The following SORCS1 variants were observed in gnomAD, a reference collection of about 807,000 sequenced individuals.
SORCS1 encodes the protein sortilin related VPS10 domain containing receptor 1.
A neutral mutation model predicts 146.1 loss-of-function variants in SORCS1; 60 were observed. That is an observed-to-expected ratio of 0.41 (90% confidence interval 0.33 to 0.51). The LOEUF is 0.51. Among genes scored for constraint, SORCS1 ranks in the 20% least tolerant of loss-of-function variants. The probability of loss-of-function intolerance (pLI) is 0.21; values close to 1 mark genes in which losing one functional copy is unlikely to be tolerated. For synonymous variants in SORCS1, 637 were observed against 584.0 expected (o/e 1.09, Z -1.31); for missense variants, 1,352 against 1,487.6 (o/e 0.91, Z 1.50).
chr10:106,579,475 C>A lies in SORCS1; in HGVS notation c.3266-1G>T. On this transcript the variant is annotated splice_acceptor_variant, in intron 24 of 25. Coordinates refer to ENST00000263054, the MANE Select transcript of SORCS1 (RefSeq NM_052918.5). LOFTEE classifies it high-confidence loss of function. ...GTTGGAGTGAGGTCCACCAGGGGGG[C>A]TTGTGGGGGAAACAGAGCAGAGAAA... is the stretch of plus-strand genomic sequence containing the variant. The A allele has an allele frequency of 6.2e-7, 1 of 1,613,446 alleles. No individual in the cohort carries two copies.
At chr10:106,802,275 T>G (rs1223052066) in intron 3 of SORCS1, among the ~76,000 whole-genome samples, 1 of 152,164 alleles carries the variant, frequency 6.6e-6, no homozygotes, top group African/African-American at 2.4e-5. Context: ...AGGGAAGATT[T>G]GCATCCACAA....
intron 6 of SORCS1, among the ~76,000 whole-genome samples, 161 bp from the exon 7 acceptor site, chr10:106,709,502 G>A (rs1290471280): frequency 1.4e-5 from 2 of 141,332 alleles, no homozygotes; most frequent in Non-Finnish European, 3.0e-5. Flanking sequence ...AGGCTGGAGT[G>A]CAGTGGTGCG....
intron 1 of SORCS1, among the ~76,000 whole-genome samples, chr10:107,036,239 C>T (rs867920073): frequency 6.6e-6 from 1 of 152,078 alleles, no homozygotes; most frequent in Non-Finnish European, 1.5e-5. Flanking sequence ...AGTATAACAA[C>T]TATTTTCTCA....
At chr10:106,703,174 AT>A (rs927462181) in intron 8 of SORCS1, among the ~76,000 whole-genome samples, 5 of 151,438 alleles carry the variant, frequency 3.3e-5, no homozygotes, top group African/African-American at 1.2e-4. Context: ...TAAGCTCCTT[AT>A]TTAAAAAAAA....
intron 1 of SORCS1, among the ~76,000 whole-genome samples, chr10:107,108,831 T>G (rs1965487568): frequency 6.6e-6 from 1 of 152,202 alleles, no homozygotes; most frequent in Non-Finnish European, 1.5e-5. Flanking sequence ...AATTTGTTAC[T>G]TCCAAGATTC....
intron 1 of SORCS1, among the ~76,000 whole-genome samples, chr10:107,129,693 A>C (rs1036392858): frequency 1.3e-5 from 2 of 152,216 alleles, no homozygotes; most frequent in Non-Finnish European, 2.9e-5. Context: ...AAACCTCTTC[A>C]AAGGAAGATC....
chr10:106,796,165 A>G (rs1589896866), intron 3 of SORCS1, among the ~76,000 whole-genome samples: 1 of 152,348 alleles, frequency 6.6e-6, no homozygotes, highest in African/African-American at 2.4e-5. Flanking sequence ...AGCAAAACAT[A>G]CAAGGACTGC....
At chr10:106,916,989 C>T (rs1041458709) in intron 2 of SORCS1, among the ~76,000 whole-genome samples, 40 of 152,246 alleles carry the variant, frequency 2.6e-4, no homozygotes, top group East Asian at 2.5e-3. Context: ...ATAATCTGCC[C>T]GCCTCAGCCT....
chr10:106,578,626 C>G (rs577253528), intron 25 of SORCS1: 1 of 989,156 alleles, frequency 1.0e-6, no homozygotes, highest in Non-Finnish European at 1.2e-6. Context: ...TGTCACTTCT[C>G]TACTGGTGTT....
At chr10:107,034,235 T>C (rs1176194819) in intron 1 of SORCS1, among the ~76,000 whole-genome samples, 1 of 152,056 alleles carries the variant, frequency 6.6e-6, no homozygotes, top group Non-Finnish European at 1.5e-5. Flanking sequence ...GAGAGGGAGC[T>C]GAAGGCTAGT....
At chr10:106,749,862 T>C (rs1443666655) in intron 5 of SORCS1, among the ~76,000 whole-genome samples, 1 of 152,160 alleles carries the variant, frequency 6.6e-6, no homozygotes, top group African/African-American at 2.4e-5. Context: ...TGAGGACCAT[T>C]TTACTGATGA....
intron 2 of SORCS1, among the ~76,000 whole-genome samples, chr10:106,833,843 G>A (rs1333539851): frequency 6.6e-6 from 1 of 152,046 alleles, no homozygotes; most frequent in Non-Finnish European, 1.5e-5. Context: ...ACCCAGGCTG[G>A]AGTGCAGTGG....
Position 107,038,400 on chromosome 10 carries a change from TG to T in SORCS1, c.559-81821del, listed in dbSNP as rs1190565576. 2.3e-4 allele frequency among the ~76,000 whole-genome samples: 3 copies of T among 12,828 alleles called. No homozygotes were observed. The South Asian group carries it at 0.013, about 55-fold the overall frequency. 8.4% of individuals were successfully genotyped at this position (12,828 alleles called of 152,430 possible). ...AGACAGAGGACTGTCGTGGGGTGGG[TG>T]GGGGGGGAGAGACAGCATTAGGAGA... On this transcript the variant is annotated intron_variant, in intron 1 of 25. Coordinates refer to ENST00000263054, the MANE Select transcript of SORCS1 (RefSeq NM_052918.5).
Position 106,702,699 on chromosome 10 carries a change from T to C in SORCS1, c.1234-3306A>G, listed in dbSNP as rs1314461726. 5.3e-5 allele frequency among the ~76,000 whole-genome samples: 8 copies of C among 152,240 alleles called. No individual in the cohort carries two copies. The East Asian group carries it at 1.2e-3, about 22-fold the overall frequency. ...GGTCTTAAATAGTTTAATTGAAAAG[T>C]TTAAAATATTTATATATTATCCTTC... is the stretch of plus-strand genomic sequence containing the variant. On this transcript the variant is annotated intron_variant, in intron 8 of 25. Coordinates refer to ENST00000263054, the MANE Select transcript of SORCS1 (RefSeq NM_052918.5).
intron 2 of SORCS1, among the ~76,000 whole-genome samples, chr10:106,930,107 C>T (rs934158206): frequency 6.6e-6 from 1 of 151,930 alleles, no homozygotes; most frequent in African/African-American, 2.4e-5. Flanking sequence ...AAATACCAAC[C>T]GTCTCTACTA....
intron 18 of SORCS1, among the ~76,000 whole-genome samples, chr10:106,651,671 G>C (rs1218033614): frequency 6.6e-6 from 1 of 152,164 alleles, no homozygotes; most frequent in East Asian, 1.9e-4. Context: ...CTGAGGACAG[G>C]ACTGTTTGGT....
At chr10:106,595,819 C>T (rs891660117) in intron 24 of SORCS1, among the ~76,000 whole-genome samples, 1 of 152,116 alleles carries the variant, frequency 6.6e-6, no homozygotes, top group African/African-American at 2.4e-5. Context: ...GCATTTAATG[C>T]TATCCATACT....
chr10:107,090,516 T>A (rs1450509374), intron 1 of SORCS1, among the ~76,000 whole-genome samples: 1 of 152,176 alleles, frequency 6.6e-6, no homozygotes, highest in Non-Finnish European at 1.5e-5. Flanking sequence ...TTATGACTGA[T>A]AACAATAAAA....
intron 2 of SORCS1, among the ~76,000 whole-genome samples, chr10:106,831,819 C>T (rs560503153): frequency 1.3e-4 from 20 of 152,194 alleles, no homozygotes; most frequent in Admixed American, 2.6e-4. Context: ...CAAAGTACTA[C>T]GCAAAACTTC....
Sources: allele counts gnomAD v4.1 joint callset (sites outside exome capture counted in the v4.1 genomes callset), GRCh38; gene constraint gnomAD v4.1.1; transcripts MANE v1.5; gene names NCBI Gene and HGNC (gene_info 2026-07-23, HGNC 2026-07-21).